LRP1B: variants seen among roughly 807,000 people sequenced by gnomAD.
LRP1B encodes low-density lipoprotein receptor-related protein 1B.
A neutral mutation model predicts 556.6 loss-of-function variants in LRP1B; 217 were observed. The observed-to-expected ratio is 0.39, with a 90% CI of 0.35 to 0.44. LRP1B has a LOEUF of 0.44. LRP1B is among the 20% of genes least tolerant of loss of function. The pLI is 1.00. For missense variants in LRP1B, 5,053 were observed against 5,620.8 expected, an observed-to-expected ratio of 0.90 and a Z score of 3.23; for synonymous variants, 2,047 against 1,865.8, an observed-to-expected ratio of 1.10 and a Z score of -2.50.
intron 1 of LRP1B, among the ~76,000 whole-genome samples, chr2:141,826,364 T>TG (rs1375710662): frequency 3.5e-5 from 5 of 141,696 alleles, no homozygotes; most frequent in Non-Finnish European, 7.7e-5. Context: ...GTTTTTTTTT[T>TG]TTTTTTTTTT....
rs746863104 is a variant in LRP1B, at chr2:141,033,129, G to A, written c.1790-13027C>T. On this transcript the variant is annotated intron_variant, in intron 11 of 90. Transcript: ENST00000389484. ...ATGTACAGGACAGAAAACAGCACGT[G>A]GTAAAGGCCCTGAGGTGGCAAGAGG... 4.4e-4 allele frequency among the ~76,000 whole-genome samples: 67 copies of A among 151,748 alleles called. 1 individual carries two copies. The highest frequency in any genetic ancestry group is 9.4e-4 in the Non-Finnish European group (64 of 67,984).
intron 66 of LRP1B, among the ~76,000 whole-genome samples, chr2:140,390,496 A>C (rs1683967469): frequency 6.6e-6 from 1 of 152,152 alleles, no homozygotes; most frequent in Admixed American, 6.6e-5. Context: ...AATATAGGAA[A>C]ATACTCTTAT....
intron 3 of LRP1B, among the ~76,000 whole-genome samples, chr2:141,372,835 A>G (rs1181481999): frequency 1.3e-5 from 2 of 151,336 alleles, no homozygotes; most frequent in African/African-American, 4.9e-5. Flanking sequence ...TATTTTGTTG[A>G]TCATTTCTAT....
chr2:140,824,587 T>A (rs1270946776), intron 31 of LRP1B, among the ~76,000 whole-genome samples: 1 of 152,118 alleles, frequency 6.6e-6, no homozygotes, highest in Non-Finnish European at 1.5e-5. Context: ...TTCCAACTTT[T>A]TCTTCCTAGC....
intron 7 of LRP1B, among the ~76,000 whole-genome samples, chr2:141,184,555 T>G (rs1370816208): frequency 6.6e-6 from 1 of 151,812 alleles, no homozygotes; most frequent in African/African-American, 2.4e-5. Context: ...TATACCCCTT[T>G]TTTTCAATCG....
intron 21 of LRP1B, among the ~76,000 whole-genome samples, chr2:140,912,376 CT>C (rs1694444829): frequency 6.6e-6 from 1 of 151,588 alleles, no homozygotes; most frequent in African/African-American, 2.4e-5. Context: ...TTTGCTTAAA[CT>C]CCCTTCTTTA....
At chr2:141,139,752 T>C (rs939985763) in intron 7 of LRP1B, among the ~76,000 whole-genome samples, 3 of 150,896 alleles carry the variant, frequency 2.0e-5, no homozygotes, top group Non-Finnish European at 4.4e-5. Flanking sequence ...CTGGTAGAAA[T>C]GTAAAAAAAG....
rs1211890118 is a variant in LRP1B, at chr2:140,324,083, G to A, written c.12341-17C>T. 1.3e-6 allele frequency: 2 copies of A among 1,568,928 alleles called. No individual in the cohort carries two copies. The highest frequency in any genetic ancestry group is 1.7e-5 in the Admixed American group (1 of 58,922). Reference sequence around the variant, plus strand: ...GTAATAAACCTGGAATTTTAAAAAGGCAGTTATGAAAGTTTTAATGTATAT... The same window carrying A: ...GTAATAAACCTGGAATTTTAAAAAGACAGTTATGAAAGTTTTAATGTATAT... On this transcript the variant is annotated splice_polypyrimidine_tract_variant and intron_variant, in intron 80 of 90. Coordinates refer to ENST00000389484, the MANE Select transcript of LRP1B (RefSeq NM_018557.3).
In LRP1B at chr2:140,560,655, A is replaced by T. The variant is rs190287590; in HGVS notation, c.7195-18684T>A. ...AAGTTATTGTATGCTTGCCATATTT[A>T]ACAATAGCAAAACTCATTACAATTA... On this transcript the variant is annotated intron_variant, in intron 43 of 90. Coordinates refer to ENST00000389484, the MANE Select transcript of LRP1B (RefSeq NM_018557.3). Among the ~76,000 whole-genome samples, 98 of 152,296 alleles carry T rather than the reference A, an allele frequency of 6.4e-4. 1 individual carries two copies. The highest frequency in any genetic ancestry group is 2.2e-3 in the African/African-American group (93 of 41,572).
In LRP1B at chr2:140,951,684, A is replaced by G. The variant is rs1307857662; in HGVS notation, c.2968+176T>C. Among the ~76,000 whole-genome samples the G allele has an allele frequency of 3.3e-5, 5 of 152,206 alleles. No homozygotes were observed. The South Asian group carries it at 1.0e-3, about 32-fold the overall frequency. ...CATGGGGCAAATATTGAGTTCCATTATCTTTAATGCTAATTCCCACTGATG... is the reference window on the plus strand; with the variant it reads ...CATGGGGCAAATATTGAGTTCCATTGTCTTTAATGCTAATTCCCACTGATG... On this transcript the variant is annotated intron_variant, in intron 19 of 90. Coordinates refer to ENST00000389484, the MANE Select transcript of LRP1B (RefSeq NM_018557.3).
At chr2:141,470,918 G>A (rs1682437856) in intron 3 of LRP1B, among the ~76,000 whole-genome samples, 1 of 152,110 alleles carries the variant, frequency 6.6e-6, no homozygotes, top group Non-Finnish European at 1.5e-5. Context: ...TGAAATTATG[G>A]TTGCTTAAAA....
At chr2:140,784,877 A>G (rs1019143088) in intron 32 of LRP1B, among the ~76,000 whole-genome samples, 13 of 152,210 alleles carry the variant, frequency 8.5e-5, no homozygotes, top group African/African-American at 3.1e-4. Flanking sequence ...TCTAAGTTAT[A>G]CGATCTTAAG....
At position 142,130,925 on chromosome 2, in the gene LRP1B, G is replaced by A. The variant is rs1294321257; in HGVS notation, c.-196C>T. ...CCTGGAGCAGGATGTGGAAGGTGGA[G>A]GGATGCGCGCGTGCGGGAGAGAGGA... On this transcript the variant is annotated 5_prime_UTR_variant, in exon 1 of 91. Transcript: ENST00000389484. The A allele has an allele frequency of 4.8e-6, 3 of 622,334 alleles. No individual in the cohort carries two copies. The highest frequency in any genetic ancestry group is 8.7e-6 in the Non-Finnish European group (3 of 346,622). 38.6% of individuals were successfully genotyped at this position (622,334 alleles called of 1,614,324 possible).
chr2:140,370,593 G>A, intron 71 of LRP1B, 117 bp downstream of exon 71: 1 of 1,351,716 alleles, frequency 7.4e-7, no homozygotes, highest in Non-Finnish European at 1.0e-6. Flanking sequence ...ACTTGGAAGA[G>A]TAAAGAGAAT....
At chr2:141,213,465 C>A (rs1270057953) in intron 6 of LRP1B, among the ~76,000 whole-genome samples, 1 of 152,122 alleles carries the variant, frequency 6.6e-6, no homozygotes, top group African/African-American at 2.4e-5. Context: ...GCACACACCC[C>A]CACAGGCACA....
At chr2:140,969,587 G>C (rs1696345010) in intron 18 of LRP1B, among the ~76,000 whole-genome samples, 3 of 152,100 alleles carry the variant, frequency 2.0e-5, no homozygotes, top group African/African-American at 7.2e-5. Context: ...TGGTTAATTT[G>C]CTCGTCAGTT....
chr2:142,078,119 T>C (rs909035249), intron 1 of LRP1B, among the ~76,000 whole-genome samples: 2 of 152,126 alleles, frequency 1.3e-5, no homozygotes, highest in African/African-American at 4.8e-5. Flanking sequence ...GCTGTGCTTA[T>C]CTGCCACACG....
At position 140,323,992 on chromosome 2, in the gene LRP1B, G is replaced by A. The variant is rs1263766326; in HGVS notation, c.12415C>T (p.Arg4139Ter). ...GAACCATGGCCAAATTTTTGAACTC[G>A]AAATACACCATTTTTAGGTCCTGCT... is the stretch of plus-strand genomic sequence containing the variant. ...YGAGPKNGVFRVQKFGHGSVE... is the reference protein window; with the variant it reads ...YGAGPKNGVF The change falls in exon 81 of 91, where the codon CGA (arginine) becomes TGA (stop). Residue 4139 changes from arginine (R) to a stop codon, truncating the protein, a stop_gained. Coordinates refer to ENST00000389484, the MANE Select transcript of LRP1B (RefSeq NM_018557.3). LOFTEE classifies it high-confidence loss of function. The A allele has an allele frequency of 3.1e-6, 5 of 1,608,454 alleles. No homozygotes were observed. Among genetic ancestry groups the A allele is most frequent in the East Asian group, 2.2e-5 (1 of 44,598 alleles).
chr2:142,049,257 A>G (rs1574632016), intron 1 of LRP1B, among the ~76,000 whole-genome samples: 2 of 152,148 alleles, frequency 1.3e-5, no homozygotes, highest in South Asian at 2.1e-4. Context: ...TATGCAATGC[A>G]TGAAGTTTTC....
Sources: allele counts gnomAD v4.1 joint callset (sites outside exome capture counted in the v4.1 genomes callset), GRCh38; gene constraint gnomAD v4.1.1; transcripts MANE v1.5; gene names NCBI Gene and HGNC (gene_info 2026-07-23, HGNC 2026-07-21).